The following IMMP2L variants were observed in gnomAD, a reference collection of about 807,000 sequenced individuals.
IMMP2L encodes mitochondrial inner membrane protease subunit 2.
IMMP2L carries 18 observed loss-of-function variants against 19.3 expected under a neutral mutation model. The observed-to-expected ratio is 0.93, with a 90% CI of 0.64 to 1.38. The LOEUF is 1.38. Among genes scored for constraint, IMMP2L ranks in the 40% most tolerant of loss-of-function variants. IMMP2L has a pLI of 0.00. For missense variants in IMMP2L, 233 were observed against 218.2 expected, an observed-to-expected ratio of 1.07 and a Z score of -0.43; for synonymous variants, 76 against 73.0, an observed-to-expected ratio of 1.04 and a Z score of -0.21.
chr7:111,013,134 G>A (rs536277547), intron 3 of IMMP2L, among the ~76,000 whole-genome samples: 3 of 152,150 alleles, frequency 2.0e-5, no homozygotes, highest in East Asian at 1.9e-4. Flanking sequence ...ATTATATAAG[G>A]GAAAAGTACC....
chr7:111,303,149 A>T (rs1822451563), intron 3 of IMMP2L, among the ~76,000 whole-genome samples: 1 of 152,134 alleles, frequency 6.6e-6, no homozygotes, highest in Admixed American at 6.6e-5. Context: ...TTTCCCCCTT[A>T]GATTGCCTTG....
intron 3 of IMMP2L, among the ~76,000 whole-genome samples, chr7:110,977,324 A>T (rs944575139): frequency 2.6e-5 from 4 of 151,938 alleles, no homozygotes; most frequent in Non-Finnish European, 5.9e-5. Context: ...TTTTTTCATG[A>T]GTATAAAAGG....
At chr7:111,398,243 A>T (rs1018160485) in intron 3 of IMMP2L, among the ~76,000 whole-genome samples, 1 of 152,156 alleles carries the variant, frequency 6.6e-6, no homozygotes, top group Non-Finnish European at 1.5e-5. Flanking sequence ...ACACTAGCTA[A>T]CCTAATCCAA....
Position 111,123,934 on chromosome 7 carries a change from T to C in IMMP2L, c.240-160369A>G. 6.2e-7 allele frequency: 1 copy of C among 1,613,952 alleles called. No homozygotes were observed. Among genetic ancestry groups the C allele is most frequent in the Non-Finnish European group, 8.5e-7 (1 of 1,179,978 alleles). ...GAACATGAACAAAACCAACATTCGA[T>C]TCATGGAGCCAGATTCACTGTTTTG... On this transcript the variant is annotated intron_variant, in intron 3 of 5. Coordinates refer to ENST00000405709, the MANE Select transcript of IMMP2L (RefSeq NM_032549.4). This position sits in a 1 kb window ranked among gnomAD's most constrained non-coding sequence, Gnocchi z 6.4.
At chr7:111,555,148 A>T (rs12705775) in intron 1 of IMMP2L, among the ~76,000 whole-genome samples, 1 of 152,002 alleles carries the variant, frequency 6.6e-6, no homozygotes, top group Admixed American at 6.6e-5. Context: ...ATATTAATAC[A>T]TGTTGGCTAT....
At chr7:110,682,044 C>T (rs574367456) in intron 5 of IMMP2L, among the ~76,000 whole-genome samples, 66 of 152,228 alleles carry the variant, frequency 4.3e-4, no homozygotes, top group Middle Eastern at 3.4e-3. Context: ...GTGTGGCATC[C>T]AGGCCCTTCA....
rs185033778 is a variant in IMMP2L, at chr7:111,087,171, C to T, written c.240-123606G>A. On this transcript the variant is annotated intron_variant, in intron 3 of 5. Transcript: ENST00000405709. ...TGAAGGTAAAAATATCTATCTTTGCCGGGCGCGGTGGCTCACGCCTGTAAT... is the reference window on the plus strand; with the variant it reads ...TGAAGGTAAAAATATCTATCTTTGCTGGGCGCGGTGGCTCACGCCTGTAAT... 2.9e-3 allele frequency among the ~76,000 whole-genome samples: 436 copies of T among 152,192 alleles called. 1 individual carries two copies. Among genetic ancestry groups the T allele is most frequent in the Non-Finnish European group, 5.0e-3 (337 of 68,024 alleles).
chr7:111,404,401 T>C (rs999063132), intron 3 of IMMP2L, among the ~76,000 whole-genome samples: 1 of 152,130 alleles, frequency 6.6e-6, no homozygotes, highest in Non-Finnish European at 1.5e-5. Context: ...AGAATATACA[T>C]GCATTCAAAT....
intron 1 of IMMP2L, among the ~76,000 whole-genome samples, chr7:111,558,941 A>G (rs566554688): frequency 2.6e-5 from 4 of 152,276 alleles, no homozygotes; most frequent in African/African-American, 9.6e-5. Flanking sequence ...TGCTTCCACA[A>G]AAAATACAAA....
At chr7:111,505,494 A>T (rs949136356) in intron 2 of IMMP2L, among the ~76,000 whole-genome samples, 28 of 152,294 alleles carry the variant, frequency 1.8e-4, no homozygotes, top group African/African-American at 6.5e-4. Context: ...AAAGGATTGT[A>T]AATCATGCTG....
In IMMP2L at chr7:111,346,804, A is replaced by G. The variant is rs145663445; in HGVS notation, c.239+140434T>C. ...GCTTTAGATTTGTAAGCTGTGGTAT[A>G]GCAGTGACTTAGAATGTGGCTCTGG... On this transcript the variant is annotated intron_variant, in intron 3 of 5. Transcript: ENST00000405709. Among the ~76,000 whole-genome samples, 924 of 152,302 alleles carry G rather than the reference A, an allele frequency of 6.1e-3. 17 individuals carry two copies. The highest frequency in any genetic ancestry group is 0.021 in the African/African-American group (873 of 41,578).
chr7:111,545,434 C>T (rs1353660562), intron 1 of IMMP2L, among the ~76,000 whole-genome samples: 1 of 152,116 alleles, frequency 6.6e-6, no homozygotes, highest in Non-Finnish European at 1.5e-5. Context: ...CTCTGTCACC[C>T]AGCTGGAGTG....
At chr7:111,242,350 G>C (rs1342018013) in intron 3 of IMMP2L, among the ~76,000 whole-genome samples, 1 of 152,036 alleles carries the variant, frequency 6.6e-6, no homozygotes, top group African/African-American at 2.4e-5. Flanking sequence ...CCTAACTGAA[G>C]TCCAATTTGT....
At chr7:110,696,573 C>G (rs947331159) in intron 5 of IMMP2L, among the ~76,000 whole-genome samples, 1 of 151,858 alleles carries the variant, frequency 6.6e-6, no homozygotes, top group East Asian at 1.9e-4. Context: ...ATTACAGGCA[C>G]CTGCCACCAT....
At chr7:111,079,577 T>A (rs560479930) in intron 3 of IMMP2L, among the ~76,000 whole-genome samples, 1 of 152,238 alleles carries the variant, frequency 6.6e-6, no homozygotes, top group Non-Finnish European at 1.5e-5. Flanking sequence ...CATGAGGTAC[T>A]GCATAATTCA....
intron 3 of IMMP2L, among the ~76,000 whole-genome samples, chr7:111,130,699 G>A (rs1380207396): frequency 1.3e-5 from 2 of 152,014 alleles, no homozygotes; most frequent in Non-Finnish European, 2.9e-5. Flanking sequence ...GGTAAAGACA[G>A]AAATAGTTCT....
At chr7:110,676,595 G>A (rs1792315530) in intron 5 of IMMP2L, among the ~76,000 whole-genome samples, 1 of 152,174 alleles carries the variant, frequency 6.6e-6, no homozygotes, top group African/African-American at 2.4e-5. Flanking sequence ...TGGAAATGCT[G>A]TATTTTATTA....
intron 3 of IMMP2L, among the ~76,000 whole-genome samples, chr7:111,343,235 C>T (rs915336985): frequency 6.6e-6 from 1 of 151,992 alleles, no homozygotes; most frequent in African/African-American, 2.4e-5. Context: ...TAAATGGCCC[C>T]CTGTCTACCA....
At chr7:110,901,183 T>C (rs1811830709) in intron 4 of IMMP2L, among the ~76,000 whole-genome samples, 1 of 152,122 alleles carries the variant, frequency 6.6e-6, no homozygotes, top group Admixed American at 6.6e-5. Context: ...ATCTATCCAC[T>C]GTTTACCTGA....
Sources: gnomAD v4.1 joint callset for allele counts (sites outside exome capture counted in the v4.1 genomes callset) on GRCh38, gnomAD v4.1.1 for gene constraint, Gnocchi (gnomAD v3.1) non-coding constraint, MANE v1.5 for transcripts, NCBI Gene and HGNC (gene_info 2026-07-23, HGNC 2026-07-21) for gene names.